The following ALKBH5 variants were observed in gnomAD, a reference collection of about 807,000 sequenced individuals.
ALKBH5 encodes RNA demethylase ALKBH5.
ALKBH5 carries 2 observed loss-of-function variants against 32.1 expected under a neutral mutation model. That is an observed-to-expected ratio of 0.06 (90% CI 0.03 to 0.20). ALKBH5 has a LOEUF of 0.20. Ranked by LOEUF, ALKBH5 falls within the 10% of genes least tolerant of loss-of-function variation. ALKBH5 has a pLI of 1.00. For synonymous variants in ALKBH5, 300 were observed against 231.7 expected, an observed-to-expected ratio of 1.29 and a Z score of -2.68; for missense variants, 352 against 559.5, an observed-to-expected ratio of 0.63 and a Z score of 3.74.
intron 2 of ALKBH5, among the ~76,000 whole-genome samples, chr17:18,198,172 G>A (rs2047215153): frequency 6.6e-6 from 1 of 152,166 alleles, no homozygotes; most frequent in Admixed American, 6.5e-5. Flanking sequence ...AAGCCCTTTA[G>A]CTTTTTAGCA....
intron 1 of ALKBH5, among the ~76,000 whole-genome samples, chr17:18,189,460 C>T (rs1462992613): frequency 6.6e-6 from 1 of 152,218 alleles, no homozygotes; most frequent in African/African-American, 2.4e-5. Flanking sequence ...ACAGTGCTAG[C>T]TCTCTGGGGG....
At chr17:18,194,106 TAAAC>T (rs977515315) in intron 1 of ALKBH5, among the ~76,000 whole-genome samples, 9 of 116,204 alleles carry the variant, frequency 7.7e-5, no homozygotes, top group Non-Finnish European at 1.1e-4. Context: ...TTGTTGAAAA[TAAAC>T]AGATATCTGA....
intron 1 of ALKBH5, among the ~76,000 whole-genome samples, chr17:18,187,662 C>G (rs756455758): frequency 6.6e-6 from 1 of 152,130 alleles, no homozygotes; most frequent in Non-Finnish European, 1.5e-5. Flanking sequence ...CTTAGCTTAC[C>G]TTGGTATGCA....
intron 2 of ALKBH5, 99 bp downstream of exon 2, chr17:18,195,134 A>G (rs1163369979): frequency 3.2e-6 from 3 of 925,028 alleles, no homozygotes; most frequent in African/African-American, 1.6e-5. Flanking sequence ...TATCAGTGGC[A>G]TGGCAGAGTG....
chr17:18,192,928 C>T (rs1427244890), intron 1 of ALKBH5, among the ~76,000 whole-genome samples: 3 of 144,104 alleles, frequency 2.1e-5, no homozygotes, highest in East Asian at 2.0e-4. Context: ...GGCACTATCT[C>T]GGCTCACGGC....
At chr17:18,205,888 A>G (rs1265514406) in intron 2 of ALKBH5, among the ~76,000 whole-genome samples, 3 of 152,144 alleles carry the variant, frequency 2.0e-5, no homozygotes. Flanking sequence ...CAGACCCTGG[A>G]AAAGGTGCCT....
At chr17:18,191,692 G>A (rs1315269752) in intron 1 of ALKBH5, among the ~76,000 whole-genome samples, 2 of 152,134 alleles carry the variant, frequency 1.3e-5, no homozygotes, top group East Asian at 1.9e-4. Context: ...CTCTGGGGCC[G>A]AGCATGGTGG....
chr17:18,198,265 T>C (rs1225264362), intron 2 of ALKBH5, among the ~76,000 whole-genome samples: 1 of 152,224 alleles, frequency 6.6e-6, no homozygotes, highest in East Asian at 1.9e-4. Flanking sequence ...CTTGCCATTG[T>C]GAATTTTCAA....
intron 3 of ALKBH5, among the ~76,000 whole-genome samples, chr17:18,207,752 A>G (rs1012250606): frequency 4.5e-4 from 68 of 152,192 alleles, no homozygotes; most frequent in African/African-American, 1.5e-3. Flanking sequence ...GAAGACATGG[A>G]AGAGCATTCT....
chr17:18,185,309 T>C (rs187441828), intron 1 of ALKBH5, among the ~76,000 whole-genome samples: 11 of 152,276 alleles, frequency 7.2e-5, no homozygotes, highest in East Asian at 3.9e-4. Context: ...TTTTTTTTTT[T>C]CCCACCATCC....
chr17:18,188,481 G>A (rs542417245), intron 1 of ALKBH5, among the ~76,000 whole-genome samples: 4 of 152,374 alleles, frequency 2.6e-5, no homozygotes, highest in African/African-American at 7.2e-5. Context: ...ATCTTGTTCA[G>A]CTGGTTGAAA....
At chr17:18,187,282 G>A (rs1250792854) in intron 1 of ALKBH5, among the ~76,000 whole-genome samples, 1 of 152,082 alleles carries the variant, frequency 6.6e-6, no homozygotes, top group East Asian at 1.9e-4. Flanking sequence ...CAACAGCAGT[G>A]TCTTTGGCTG....
chr17:18,184,301 CG>C lies in ALKBH5; in HGVS notation c.61del (p.Asp21ThrfsTer18). The part of the protein sequence containing the change: ...LREKLKSMTS[R>X]DNYKAGSREA... ...TGAGAAGCTCAAGTCCATGACGTCC[CG>C]GGACAACTATAAGGCGGGCAGCCGG... On this transcript the variant is annotated frameshift_variant, in exon 1 of 4. Coordinates refer to ENST00000399138, the MANE Select transcript of ALKBH5 (RefSeq NM_017758.4). LOFTEE classifies it high-confidence loss of function. 6.5e-7 allele frequency: 1 copy of C among 1,527,342 alleles called. No individual in the cohort carries two copies. The allele number at this position is 1,527,342 out of a possible 1,614,324, so 94.6% of individuals were successfully genotyped here.
chr17:18,195,134 A>T, intron 2 of ALKBH5, 99 bp downstream of exon 2: 1 of 925,144 alleles, frequency 1.1e-6, no homozygotes, highest in Non-Finnish European at 1.7e-6. Flanking sequence ...TATCAGTGGC[A>T]TGGCAGAGTG....
intron 2 of ALKBH5, among the ~76,000 whole-genome samples, chr17:18,197,923 T>C (rs2047213440): frequency 6.6e-6 from 1 of 152,118 alleles, no homozygotes; most frequent in African/African-American, 2.4e-5. Flanking sequence ...GCTGGGGAAG[T>C]GCACAGCTGT....
chr17:18,205,926 C>T (rs748643437), intron 2 of ALKBH5, among the ~76,000 whole-genome samples: 1 of 152,178 alleles, frequency 6.6e-6, no homozygotes, highest in South Asian at 2.1e-4. Flanking sequence ...TATGTCCTAT[C>T]GCTTCCCACC....
At chr17:18,195,849 C>G (rs2047201375) in intron 2 of ALKBH5, among the ~76,000 whole-genome samples, 1 of 152,200 alleles carries the variant, frequency 6.6e-6, no homozygotes, top group African/African-American at 2.4e-5. Context: ...GGTGATTGCC[C>G]AGAGTCATAG....
Position 18,208,451 on chromosome 17 carries a change from C to T in ALKBH5, c.*55C>T. On this transcript the variant is annotated 3_prime_UTR_variant, in exon 4 of 4. Transcript: ENST00000399138. Reference sequence around the variant, plus strand: ...GCTCATCCTTACGTAGTTGCCCCTCCTTTTGTTTTGAGGGTTTTGTTTTTG... The same window carrying T: ...GCTCATCCTTACGTAGTTGCCCCTCTTTTTGTTTTGAGGGTTTTGTTTTTG... 4 of 1,589,756 alleles carry T rather than the reference C, an allele frequency of 2.5e-6. No individual in the cohort carries two copies. The highest frequency in any genetic ancestry group is 1.7e-4 in the Middle Eastern group (1 of 5,944).
rs2047126618 is a variant in ALKBH5 at position 18,184,687 on chromosome 17, C to T, written c.444C>T (p.Arg148=). The part of the protein sequence containing the change: ...GYTYGAQLQK[R]GPGQERLYPP... ...CTTACGGCGCCCAGCTGCAGAAGCG[C>T]GGGCCCGGCCAGGAGCGCCTCTACC... The change falls in exon 1 of 4, where the codon CGC becomes CGT. Residue 148 remains arginine (R), a synonymous_variant. Transcript: ENST00000399138. 1.2e-6 allele frequency: 2 copies of T among 1,612,702 alleles called. No homozygotes were observed. Among genetic ancestry groups the T allele is most frequent in the Non-Finnish European group, 1.7e-6 (2 of 1,179,536 alleles).
Sources: allele counts gnomAD v4.1 joint callset (sites outside exome capture counted in the v4.1 genomes callset), GRCh38; gene constraint gnomAD v4.1.1; transcripts MANE v1.5; gene names NCBI Gene and HGNC (gene_info 2026-07-23, HGNC 2026-07-21).